The following TMEM131 variants were observed in gnomAD, a reference collection of about 807,000 sequenced individuals.
TMEM131 encodes the protein transmembrane protein 131.
TMEM131 carries 66 observed loss-of-function variants against 211.6 expected under a neutral mutation model. The observed-to-expected ratio is 0.31, with a 90% CI of 0.26 to 0.38. The LOEUF is 0.38. Among genes scored for constraint, TMEM131 ranks in the 10% least tolerant of loss-of-function variants. The pLI, the probability that TMEM131 is intolerant of heterozygous loss-of-function variation, is 1.00. For missense variants in TMEM131, 2,036 were observed against 2,299.3 expected (o/e 0.89, Z 2.34); for synonymous variants, 844 against 841.3 (o/e 1.00, Z -0.06).
intron 2 of TMEM131, among the ~76,000 whole-genome samples, chr2:97,919,399 A>G (rs540830988): frequency 2.0e-5 from 3 of 152,266 alleles, no homozygotes; most frequent in South Asian, 4.1e-4. Context: ...TTTGTAAAGG[A>G]TATTTTCATT....
At chr2:97,970,961 A>T (rs985926381) in intron 1 of TMEM131, among the ~76,000 whole-genome samples, 17 of 152,304 alleles carry the variant, frequency 1.1e-4, no homozygotes, top group Middle Eastern at 3.4e-3. Context: ...AATGTAGCCT[A>T]TGGTGGGGGG....
intron 1 of TMEM131, among the ~76,000 whole-genome samples, chr2:97,932,701 C>T (rs943905719): frequency 2.0e-5 from 3 of 152,168 alleles, no homozygotes; most frequent in African/African-American, 7.2e-5. Flanking sequence ...TCAAGAACCA[C>T]CAACTACTCT....
intron 21 of TMEM131, 42 bp downstream of exon 21, chr2:97,805,333 TG>T: frequency 6.9e-6 from 11 of 1,597,656 alleles, no homozygotes; most frequent in Non-Finnish European, 9.4e-6. Context: ...AAGAGTATTT[TG>T]GGGGAAGTGA....
chr2:97,828,461 C>A (rs1682503938), intron 11 of TMEM131, among the ~76,000 whole-genome samples: 2 of 152,190 alleles, frequency 1.3e-5, no homozygotes, highest in African/African-American at 4.8e-5. Context: ...CAACTAACAC[C>A]CCTACTTATA....
At position 97,995,763 on chromosome 2, in the gene TMEM131, C is replaced by A; in HGVS notation, c.-101G>T. On this transcript the variant is annotated 5_prime_UTR_variant, in exon 1 of 41. Coordinates refer to ENST00000186436, the MANE Select transcript of TMEM131 (RefSeq NM_015348.2). ...GTGGTCCGGGCTCTGGCCGCGGCGC[C>A]GGGAGCGACAACGGTTGCGAGCCCG... The A allele has an allele frequency of 3.2e-6, 3 of 926,130 alleles. No individual in the cohort carries two copies. The highest frequency in any genetic ancestry group is 4.0e-6 in the Non-Finnish European group (3 of 741,196). 57.4% of individuals were successfully genotyped at this position (926,130 alleles called of 1,614,324 possible). A position where few individuals can be genotyped will look rare whatever the true frequency, so the allele number is the denominator to read the frequency against.
intron 38 of TMEM131, 112 bp downstream of exon 38, chr2:97,760,481 C>G: frequency 9.7e-7 from 1 of 1,028,232 alleles, no homozygotes; most frequent in Non-Finnish European, 1.4e-6. Flanking sequence ...TGACAAATGC[C>G]TCCTTGTAAA....
chr2:97,880,115 C>G (rs1485018087), intron 4 of TMEM131, among the ~76,000 whole-genome samples: 1 of 147,276 alleles, frequency 6.8e-6, no homozygotes, highest in Non-Finnish European at 1.5e-5. Flanking sequence ...TTTCTACTTT[C>G]CTATATGTAT....
intron 1 of TMEM131, among the ~76,000 whole-genome samples, chr2:97,952,318 T>C (rs1354991498): frequency 6.6e-6 from 1 of 152,052 alleles, no homozygotes; most frequent in Non-Finnish European, 1.5e-5. Flanking sequence ...GAAAAATTAA[T>C]ACAGGAAAAC....
intron 36 of TMEM131, 160 bp downstream of exon 36, chr2:97,761,875 G>C (rs1212676880): frequency 2.7e-6 from 2 of 729,228 alleles, no homozygotes; most frequent in African/African-American, 1.8e-5. Context: ...AGCAGGAAGC[G>C]GGGGTGGACC....
intron 1 of TMEM131, among the ~76,000 whole-genome samples, chr2:97,949,651 A>G (rs1291978956): frequency 6.7e-6 from 1 of 148,252 alleles, no homozygotes; most frequent in African/African-American, 2.5e-5. Flanking sequence ...GTCTCTACTG[A>G]AAAAAAAAAT....
At chr2:97,919,804 A>G (rs1354684241) in intron 2 of TMEM131, among the ~76,000 whole-genome samples, 1 of 152,198 alleles carries the variant, frequency 6.6e-6, no homozygotes, top group Non-Finnish European at 1.5e-5. Flanking sequence ...TCCTGACCTC[A>G]AGTGATCCAC....
chr2:97,775,431 G>A (rs1180648066), intron 32 of TMEM131, among the ~76,000 whole-genome samples: 1 of 152,166 alleles, frequency 6.6e-6, no homozygotes, highest in Non-Finnish European at 1.5e-5. Flanking sequence ...CAGGTGCTAG[G>A]AGCAACATGA....
In TMEM131 at chr2:97,837,174, C is replaced by T. The variant is rs1211961645; in HGVS notation, c.724-17G>A. 6.4e-7 allele frequency: 1 copy of T among 1,569,648 alleles called. No homozygotes were observed. Among genetic ancestry groups the T allele is most frequent in the Non-Finnish European group, 8.6e-7 (1 of 1,160,708 alleles). On this transcript the variant is annotated splice_polypyrimidine_tract_variant and intron_variant, in intron 7 of 40. Coordinates refer to ENST00000186436, the MANE Select transcript of TMEM131 (RefSeq NM_015348.2). ...TTCTACAACCTGGGGCAAAAGAGCA[C>T]ATGATGGCTACGTTCAAAGTCATAT...
In TMEM131 at chr2:97,756,633, TCATA is replaced by T. The variant is rs1332958491; in HGVS notation, c.*462_*465del. ...ATACTCTATTTTCAGCACAAAGTCC[TCATA>T]CAGTTTTAAAATTAGATCTTGGCGC... On this transcript the variant is annotated 3_prime_UTR_variant, in exon 41 of 41. Coordinates refer to ENST00000186436, the MANE Select transcript of TMEM131 (RefSeq NM_015348.2). 2 of 152,686 alleles carry T rather than the reference TCATA, an allele frequency of 1.3e-5. No homozygotes were observed. The highest frequency in any genetic ancestry group is 4.8e-5 in the African/African-American group (2 of 41,468). The allele number at this position is 152,686 out of a possible 1,614,324, so 9.5% of individuals were successfully genotyped here.
chr2:97,910,986 C>T (rs1197208085), intron 2 of TMEM131, among the ~76,000 whole-genome samples: 3 of 152,112 alleles, frequency 2.0e-5, no homozygotes, highest in Non-Finnish European at 4.4e-5. Flanking sequence ...CATAAATGTT[C>T]GTAGCAGCTT....
chr2:97,765,115 C>G (rs1446999649), intron 35 of TMEM131: 1 of 152,242 alleles, frequency 6.6e-6, no homozygotes, highest in Non-Finnish European at 1.5e-5. Flanking sequence ...ACGGACCACC[C>G]ACGGTCTTCT....
At chr2:97,795,468 A>C (rs931072561) in intron 28 of TMEM131, among the ~76,000 whole-genome samples, 1 of 152,176 alleles carries the variant, frequency 6.6e-6, no homozygotes, top group African/African-American at 2.4e-5. Context: ...TTTTTTAAAA[A>C]AACAAACCAA....
At chr2:97,773,893 T>A (rs1446097223) in intron 32 of TMEM131, among the ~76,000 whole-genome samples, 2 of 152,204 alleles carry the variant, frequency 1.3e-5, no homozygotes, top group Non-Finnish European at 2.9e-5. Flanking sequence ...CCTGGTTCTT[T>A]GCCCCAGACA....
intron 3 of TMEM131, among the ~76,000 whole-genome samples, chr2:97,903,829 G>A (rs1383618264): frequency 1.3e-5 from 2 of 151,918 alleles, no homozygotes; most frequent in Non-Finnish European, 2.9e-5. Flanking sequence ...GATTACAGGC[G>A]CATTTTGTAT....
Sources: allele counts gnomAD v4.1 joint callset (sites outside exome capture counted in the v4.1 genomes callset), GRCh38; gene constraint gnomAD v4.1.1; transcripts MANE v1.5; gene names NCBI Gene and HGNC (gene_info 2026-07-23, HGNC 2026-07-21).